CACNA1H: variants seen among roughly 807,000 people sequenced by gnomAD.
The protein encoded by CACNA1H is voltage-dependent T-type calcium channel subunit alpha-1H.
CACNA1H carries 149 observed loss-of-function variants against 192.5 expected under a neutral mutation model. The observed-to-expected ratio is 0.77, with a 90% confidence interval of 0.68 to 0.89. CACNA1H has a LOEUF of 0.89. Among genes scored for constraint, CACNA1H ranks in the 40% least tolerant of loss-of-function variants. The probability of loss-of-function intolerance (pLI) is 0.00; values close to 1 mark genes in which losing one functional copy is unlikely to be tolerated. For synonymous variants in CACNA1H, 2,202 were observed against 1,475.2 expected (o/e 1.49, Z -11.29); for missense variants, 4,257 against 3,423.5 (o/e 1.24, Z -6.08).
At chr16:1,158,944 C>G in intron 2 of CACNA1H, among the ~76,000 whole-genome samples, 1 of 152,198 alleles carries the variant, frequency 6.6e-6, no homozygotes, top group Non-Finnish European at 1.5e-5. Context: ...ACCGCTGGGA[C>G]CGGGCAGGGG....
At position 1,153,179 on chromosome 16, in the gene CACNA1H, C is replaced by T. The variant is rs1426162322; in HGVS notation, c.-310C>T. The T allele has an allele frequency of 7.0e-6, 1 of 143,100 alleles. No individual in the cohort carries two copies. Among genetic ancestry groups the T allele is most frequent in the Non-Finnish European group, 1.5e-5 (1 of 64,524 alleles). The allele number at this position is 143,100 out of a possible 1,614,324, so 8.9% of individuals were successfully genotyped here. A position where few individuals can be genotyped will look rare whatever the true frequency, so the allele number is the denominator to read the frequency against. On this transcript the variant is annotated 5_prime_UTR_variant, in exon 1 of 35. Transcript: ENST00000348261. Reference sequence around the variant, plus strand: ...CTGCCTCACCGGTCCCCGGCCCGCGCCCCGCGCCCCGCGCCCCGCGCCCCG... The same window carrying T: ...CTGCCTCACCGGTCCCCGGCCCGCGTCCCGCGCCCCGCGCCCCGCGCCCCG...
Position 1,221,713 on chromosome 16 carries a change from C to G in CACNA1H, c.*719C>G, listed in dbSNP as rs78055822. On this transcript the variant is annotated 3_prime_UTR_variant, in exon 35 of 35. Coordinates refer to ENST00000348261, the MANE Select transcript of CACNA1H (RefSeq NM_021098.3). ...CAATAATCTGATGCAGAAGACTCAG[C>G]TTCTCAAGGGAGAGGGAGGGGGCGG... The G allele has an allele frequency of 2.2e-6, 3 of 1,379,386 alleles. No individual in the cohort carries two copies. Among genetic ancestry groups the G allele is most frequent in the Non-Finnish European group, 2.9e-6 (3 of 1,024,432 alleles). The allele number at this position is 1,379,386 out of a possible 1,614,324, so 85.4% of individuals were successfully genotyped here. A position where few individuals can be genotyped will look rare whatever the true frequency, so the allele number is the denominator to read the frequency against.
At chr16:1,198,821 C>T (rs1400176687) in intron 6 of CACNA1H, 47 bp downstream of exon 6, 1 of 1,560,342 alleles carries the variant, frequency 6.4e-7, no homozygotes, top group Non-Finnish European at 8.7e-7. Context: ...ATGGCCCTGC[C>T]CACCATGCAG....
At chr16:1,213,165 C>T (rs59474588) in intron 26 of CACNA1H, among the ~76,000 whole-genome samples, 1 of 152,352 alleles carries the variant, frequency 6.6e-6, no homozygotes, top group East Asian at 1.9e-4. Context: ...AGACCACAGC[C>T]CATGGCCCCT....
chr16:1,210,626 T>C lies in CACNA1H; in HGVS notation c.4013T>C (p.Ile1338Thr), dbSNP rs1304878350. The C allele has an allele frequency of 3.7e-6, 6 of 1,606,258 alleles. No homozygotes were observed. Among genetic ancestry groups the C allele is most frequent in the Non-Finnish European group, 5.1e-6 (6 of 1,179,772 alleles). ...LSVSNYIFTAIFVAEMMVKVV... is the reference protein window; with the variant it reads ...LSVSNYIFTATFVAEMMVKVV... The stretch of plus-strand genomic sequence containing the variant: ...GTCTCCAATTACATCTTCACGGCCA[T>C]CTTCGTGGCGGAGATGATGGTGAAG... Residue 1338 changes from isoleucine (I) to threonine (T), a missense_variant, in exon 20 of 35, where the codon ATC becomes ACC. Ile to Thr is a moderately conservative substitution (Grantham distance 89, BLOSUM62 -1). Transcript: ENST00000348261.
At position 1,208,969 on chromosome 16, in the gene CACNA1H, G is replaced by A. The variant is rs144413965; in HGVS notation, c.3364-63G>A. Reference sequence around the variant, plus strand: ...GTGGCTTGCACACAGTGGGTGCTCCGTAATGACAGCGGTCGGTGCTAATAG... The same window carrying A: ...GTGGCTTGCACACAGTGGGTGCTCCATAATGACAGCGGTCGGTGCTAATAG... On this transcript the variant is annotated intron_variant, in intron 16 of 34. Transcript: ENST00000348261. 5.9e-4 allele frequency: 818 copies of A among 1,387,788 alleles called. 3 individuals carry two copies. In the African/African-American group the frequency reaches 9.4e-3, roughly 16 times the overall value. The allele number at this position is 1,387,788 out of a possible 1,614,324, so 86.0% of individuals were successfully genotyped here.
At chr16:1,182,794 C>T (rs1297158047) in intron 2 of CACNA1H, among the ~76,000 whole-genome samples, 1 of 152,122 alleles carries the variant, frequency 6.6e-6, no homozygotes, top group Non-Finnish European at 1.5e-5. Context: ...GTGGCGGGGA[C>T]CCCCACCCTG....
chr16:1,207,875 T>C lies in CACNA1H; in HGVS notation c.3154+15T>C, dbSNP rs1407102395. ...CCAGACCACAGGTGCGTGTGGTCGG[T>C]GGGTGGTCCGGGTTCTGGCGGGTGG... On this transcript the variant is annotated intron_variant, in intron 15 of 34. Transcript: ENST00000348261. The C allele has an allele frequency of 1.9e-6, 3 of 1,575,006 alleles. No individual in the cohort carries two copies. Among genetic ancestry groups the C allele is most frequent in the Admixed American group, 1.8e-5 (1 of 54,274 alleles).
chr16:1,221,647 C>T lies in CACNA1H; in HGVS notation c.*653C>T, dbSNP rs1970487763. ...GCGTTGGCCGCGAGATTCCCATTGA[C>T]ACCTTTGTTTCGTGTGCTTTTAAAT... On this transcript the variant is annotated 3_prime_UTR_variant, in exon 35 of 35. Transcript: ENST00000348261. The T allele has an allele frequency of 2.1e-6, 2 of 940,994 alleles. No homozygotes were observed. Among genetic ancestry groups the T allele is most frequent in the Admixed American group, 3.1e-5 (1 of 32,550 alleles). The allele number at this position is 940,994 out of a possible 1,614,324, so 58.3% of individuals were successfully genotyped here.
chr16:1,177,521 G>A (rs1965011110), intron 2 of CACNA1H, among the ~76,000 whole-genome samples: 2 of 152,172 alleles, frequency 1.3e-5, no homozygotes, highest in African/African-American at 2.4e-5. Context: ...GGCAGAGAGT[G>A]GAACGAGCTC....
At chr16:1,154,211 G>A (rs1013614732) in intron 2 of CACNA1H, among the ~76,000 whole-genome samples, 175 bp downstream of exon 2, 1 of 151,768 alleles carries the variant, frequency 6.6e-6, no homozygotes, top group African/African-American at 2.4e-5. Context: ...TAATTTCTGA[G>A]AGTGGCGGGC....
At chr16:1,216,081 C>T (rs1048517396) in intron 30 of CACNA1H, among the ~76,000 whole-genome samples, 1 of 152,178 alleles carries the variant, frequency 6.6e-6, no homozygotes, top group Non-Finnish European at 1.5e-5. Flanking sequence ...AGCCTCTAGT[C>T]CACCTATCCA....
chr16:1,163,122 T>C (rs11861145), intron 2 of CACNA1H, among the ~76,000 whole-genome samples: 19,588 of 151,926 alleles, frequency 0.13, 3,640 homozygotes, highest in African/African-American at 0.41. Flanking sequence ...TGCAGAAAGG[T>C]GTAGGTGTGG....
At chr16:1,195,647 A>G (rs1239736387) in intron 4 of CACNA1H, 82 bp downstream of exon 4, 30 of 1,459,174 alleles carry the variant, frequency 2.1e-5, no homozygotes, top group Non-Finnish European at 2.2e-5. Flanking sequence ...CCACCTGTAA[A>G]GAAAAATGGG....
In CACNA1H at chr16:1,216,985, G is replaced by C; in HGVS notation, c.5298G>C (p.Leu1766=). The C allele has an allele frequency of 1.2e-6, 2 of 1,600,568 alleles. No homozygotes were observed. The highest frequency in any genetic ancestry group is 2.3e-5 in the South Asian group (2 of 88,558). The change falls in exon 31 of 35, where the codon CTG becomes CTC. Residue 1766 remains leucine (L), a synonymous_variant. Coordinates refer to ENST00000348261, the MANE Select transcript of CACNA1H (RefSeq NM_021098.3). The part of the protein sequence containing the change: ...FMLLFFIYAA[L]GVELFGRLEC... ...TCCTGTTTTTTATCTATGCTGCGCT[G>C]GGAGTGGAGCTGTTCGGGAGGCTGG...
At chr16:1,172,995 G>A (rs930239420) in intron 2 of CACNA1H, among the ~76,000 whole-genome samples, 4 of 152,058 alleles carry the variant, frequency 2.6e-5, no homozygotes, top group Admixed American at 2.6e-4. Context: ...AGGGAGGGGA[G>A]GGGTGGGGCC....
chr16:1,219,040 G>A lies in CACNA1H; in HGVS notation c.5958G>A (p.Ser1986=), dbSNP rs370805573. The change falls in exon 34 of 35, where the codon TCG becomes TCA. Residue 1986 remains serine (S), a synonymous_variant. Coordinates refer to ENST00000348261, the MANE Select transcript of CACNA1H (RefSeq NM_021098.3). ...CCCTCCAGATCCCATTGGCTGTGTC[G>A]TCCCCAGCCAGGAGCGGCGAGCCCC... ...CASLQIPLAV[S]SPARSGEPLH... 109 of 1,549,900 alleles carry A rather than the reference G, an allele frequency of 7.0e-5. No individual in the cohort carries two copies. The African/African-American group carries it at 9.7e-4, about 14-fold the overall frequency.
Position 1,210,398 on chromosome 16 carries a change from A to G in CACNA1H, c.3874A>G (p.Thr1292Ala). 6.3e-7 allele frequency: 1 copy of G among 1,580,936 alleles called. No homozygotes were observed. Among genetic ancestry groups the G allele is most frequent in the Non-Finnish European group, 8.5e-7 (1 of 1,171,510 alleles). The stretch of plus-strand genomic sequence containing the variant: ...CCGCGTCTCCTGCCAGAAGGTCATC[A>G]CACACAAGATGTTTGATCACGTGGT... ...RFRVSCQKVITHKMFDHVVLV... is the reference protein window; with the variant it reads ...RFRVSCQKVIAHKMFDHVVLV... The change falls in exon 19 of 35, where the codon ACA becomes GCA. Residue 1292 changes from threonine (T) to alanine (A), a missense_variant. By Grantham distance (58) the Thr-to-Ala change is moderately conservative (BLOSUM62 0). Transcript: ENST00000348261.
chr16:1,201,281 G>A (rs17793904), intron 8 of CACNA1H, among the ~76,000 whole-genome samples: 15,438 of 152,138 alleles, frequency 0.1, 979 homozygotes, highest in South Asian at 0.15. Flanking sequence ...CAAGCGAAGC[G>A]AACGATTAGA....
Sources: gnomAD v4.1 joint callset for allele counts (sites outside exome capture counted in the v4.1 genomes callset) on GRCh38, gnomAD v4.1.1 for gene constraint, MANE v1.5 for transcripts, NCBI Gene and HGNC (gene_info 2026-07-23, HGNC 2026-07-21) for gene names.